STK3: variants seen among roughly 807,000 people sequenced by gnomAD.
The protein encoded by STK3 is serine/threonine-protein kinase 3.
In STK3, 41 loss-of-function variants were observed where a neutral mutation model predicts 58.0. That is an observed-to-expected ratio of 0.71 (90% CI 0.55 to 0.92). The LOEUF (loss-of-function observed/expected upper bound fraction) is 0.92, where lower values mean the gene tolerates loss of function less well. STK3 is among the 40% of genes least tolerant of loss of function. The pLI, the probability that STK3 is intolerant of heterozygous loss-of-function variation, is 0.00. For synonymous variants in STK3, 170 were observed against 191.0 expected (o/e 0.89, Z 0.91); for missense variants, 479 against 602.7 (o/e 0.79, Z 2.15).
intron 9 of STK3, among the ~76,000 whole-genome samples, chr8:98,545,178 T>C (rs1810599505): frequency 6.6e-6 from 1 of 152,208 alleles, no homozygotes; most frequent in African/African-American, 2.4e-5. Context: ...ACCAACCTGC[T>C]TTTACCCAGT....
intron 6 of STK3, among the ~76,000 whole-genome samples, chr8:98,650,620 C>T (rs564926236): frequency 2.0e-5 from 3 of 152,332 alleles, no homozygotes; most frequent in Admixed American, 6.5e-5. Flanking sequence ...CCTGGAAAAG[C>T]GGGTCACTCC....
intron 10 of STK3, among the ~76,000 whole-genome samples, chr8:98,525,409 C>A (rs1026086171): frequency 2.7e-5 from 4 of 150,452 alleles, no homozygotes; most frequent in Admixed American, 1.3e-4. Context: ...AAACAGCAAT[C>A]GTACCCTTAA....
At chr8:98,578,914 G>A (rs1813627420) in intron 8 of STK3, among the ~76,000 whole-genome samples, 1 of 152,176 alleles carries the variant, frequency 6.6e-6, no homozygotes, top group Non-Finnish European at 1.5e-5. Context: ...ATTATGGGAA[G>A]TTGAGGTGGG....
upstream of STK3, among the ~76,000 whole-genome samples, chr8:98,828,455 A>AAAAAAAAAC (rs1564043609): frequency 3.3e-4 from 50 of 150,668 alleles, no homozygotes; most frequent in African/African-American, 1.1e-3. Flanking sequence ...AAAAAAAAAA[A>AAAAAAAAAC]AAAAAAAAAA....
intron 7 of STK3, among the ~76,000 whole-genome samples, chr8:98,584,678 A>C (rs1188855129): frequency 1.1e-4 from 17 of 150,286 alleles, no homozygotes; most frequent in African/African-American, 3.4e-4. Context: ...CGCCACACTG[A>C]CTTCCACAAT....
chr8:98,480,402 T>C (rs1470905099), intron 10 of STK3, among the ~76,000 whole-genome samples: 1 of 152,144 alleles, frequency 6.6e-6, no homozygotes, highest in African/African-American at 2.4e-5. Flanking sequence ...CTTTCTGAGA[T>C]AGGAGAAGCA....
chr8:98,583,985 T>TAAAC (rs1814190858), intron 7 of STK3, among the ~76,000 whole-genome samples: 4 of 152,132 alleles, frequency 2.6e-5, no homozygotes, highest in African/African-American at 9.7e-5. Context: ...CTAAACCTTC[T>TAAAC]CTCTGTAGGG....
rs1199182127 is a variant in STK3, at chr8:98,707,290, T to C, written c.373A>G (p.Thr125Ala). The change falls in exon 5 of 11, where the codon ACC (threonine) becomes GCC (alanine). Residue 125 changes from threonine to alanine, a missense_variant. Thr to Ala is a moderately conservative substitution (Grantham distance 58). Around this residue, in one of 3 missense-constraint regions of STK3, gnomAD observed 126 missense variants for 210.1 expected, o/e 0.60. Coordinates refer to ENST00000419617, the MANE Select transcript of STK3 (RefSeq NM_006281.4). ...NKTLIEDEIA[T>A]ILKSTLKGLE... Reference sequence around the variant, plus strand: ...CCTTTCAATGTAGATTTAAGAATGGTTGCAATTTCATCTTCTATTAACTGG... The same window carrying C: ...CCTTTCAATGTAGATTTAAGAATGGCTGCAATTTCATCTTCTATTAACTGG... 7.8e-6 allele frequency: 12 copies of C among 1,544,260 alleles called. No individual in the cohort carries two copies. The highest frequency in any genetic ancestry group is 1.3e-5 in the South Asian group (1 of 79,916).
chr8:98,871,467 A>G (rs912059159), intron 3 of STK3, among the ~76,000 whole-genome samples: 7 of 152,224 alleles, frequency 4.6e-5, no homozygotes, highest in African/African-American at 9.6e-5. Flanking sequence ...GATTCTTGCT[A>G]TCCACAAGCA....
intron 7 of STK3, among the ~76,000 whole-genome samples, chr8:98,580,722 C>G (rs1370181752): frequency 6.6e-6 from 1 of 152,182 alleles, no homozygotes; most frequent in Non-Finnish European, 1.5e-5. Context: ...AAGTGATCCT[C>G]CCACCTCAGC....
chr8:98,568,054 TTAG>T (rs1812634536), intron 8 of STK3, among the ~76,000 whole-genome samples: 1 of 144,060 alleles, frequency 6.9e-6, no homozygotes, highest in Non-Finnish European at 1.5e-5. Flanking sequence ...TGAGACTGTC[TTAG>T]ATAGATGATA....
intron 10 of STK3, among the ~76,000 whole-genome samples, chr8:98,469,903 T>G (rs1183620482): frequency 6.6e-6 from 1 of 152,208 alleles, no homozygotes. Flanking sequence ...AGTAACTGAC[T>G]GACATACACT....
intron 4 of STK3, among the ~76,000 whole-genome samples, chr8:98,720,481 T>A (rs1478763922): frequency 1.3e-5 from 2 of 152,120 alleles, no homozygotes; most frequent in African/African-American, 4.8e-5. Flanking sequence ...CCAGGCACGG[T>A]GGCTCACGCC....
intron 6 of STK3, among the ~76,000 whole-genome samples, chr8:98,677,336 AC>A (rs1438354759): frequency 1.5e-5 from 1 of 67,528 alleles, no homozygotes; most frequent in African/African-American, 5.3e-5. Flanking sequence ...CCGCACCCCC[AC>A]CCCCCGCCCC....
At chr8:98,566,118 G>T (rs1217372105) in intron 8 of STK3, among the ~76,000 whole-genome samples, 1 of 152,030 alleles carries the variant, frequency 6.6e-6, no homozygotes, top group Admixed American at 6.6e-5. Flanking sequence ...CATCAGACAA[G>T]CTTTTTCTAT....
Position 98,707,214 on chromosome 8 carries a change from C to G in STK3, c.449G>C (p.Gly150Ala). ...TCCTTCTGTATTGAGGAGAATATTT[C>G]CAGCTTTTATATCTCTGTGTATTTT... ...MRKIHRDIKAGNILLNTEGHA... is the reference protein window; with the variant it reads ...MRKIHRDIKAANILLNTEGHA... Residue 150 changes from glycine (G) to alanine (A), a missense_variant, in exon 5 of 11, where the codon GGA (glycine) becomes GCA (alanine). Physicochemically the swap from Gly to Ala is moderately conservative, Grantham distance 60. Around this residue, in one of 3 missense-constraint regions of STK3, gnomAD observed 126 missense variants for 210.1 expected, o/e 0.60. Transcript: ENST00000419617. 6.2e-7 allele frequency: 1 copy of G among 1,612,124 alleles called. No individual in the cohort carries two copies. The highest frequency in any genetic ancestry group is 1.3e-5 in the African/African-American group (1 of 75,012).
At chr8:98,525,590 T>C (rs1350929771) in intron 10 of STK3, among the ~76,000 whole-genome samples, 1 of 152,114 alleles carries the variant, frequency 6.6e-6, no homozygotes, top group Non-Finnish European at 1.5e-5. Flanking sequence ...GAAATCTTAT[T>C]AGGACTAAAG....
At chr8:98,687,521 G>A (rs1387817492) in intron 6 of STK3, among the ~76,000 whole-genome samples, 2 of 152,178 alleles carry the variant, frequency 1.3e-5, no homozygotes, top group Non-Finnish European at 2.9e-5. Context: ...GTACCAGTCT[G>A]TGGCCCAGGA....
chr8:98,502,929 C>T (rs190735154), intron 10 of STK3, among the ~76,000 whole-genome samples: 159 of 152,218 alleles, frequency 1.0e-3, no homozygotes, highest in Admixed American at 3.8e-3. Flanking sequence ...AAATTAGTTA[C>T]GGAGAATTCC....
Sources: gnomAD v4.1 joint callset for allele counts (sites outside exome capture counted in the v4.1 genomes callset) on GRCh38, gnomAD v4.1.1 for gene constraint, gnomAD v4.1.1 regional missense constraint, MANE v1.5 for transcripts, NCBI Gene and HGNC (gene_info 2026-07-23, HGNC 2026-07-21) for gene names.